CUL5: variants seen among roughly 807,000 people sequenced by gnomAD.
The protein encoded by CUL5 is cullin-5.
A neutral mutation model predicts 108.8 loss-of-function variants in CUL5; 26 were observed. The ratio of observed to expected loss-of-function variants is 0.24; its 90% CI spans 0.18 to 0.33. CUL5 has a LOEUF of 0.33. Among genes scored for constraint, CUL5 ranks in the 10% least tolerant of loss-of-function variants. The probability of loss-of-function intolerance (pLI) is 1.00; values close to 1 mark genes in which losing one functional copy is unlikely to be tolerated. For missense variants in CUL5, 524 were observed against 909.2 expected (o/e 0.58, Z 5.45); for synonymous variants, 334 against 298.0 (o/e 1.12, Z -1.25).
intron 1 of CUL5, among the ~76,000 whole-genome samples, chr11:108,010,599 A>T (rs190451693): frequency 2.0e-5 from 3 of 152,356 alleles, no homozygotes; most frequent in East Asian, 3.9e-4. Context: ...CGCCTGTATC[A>T]TAGGAACATT....
chr11:108,055,753 C>T (rs978164568), intron 7 of CUL5, among the ~76,000 whole-genome samples: 2 of 152,114 alleles, frequency 1.3e-5, no homozygotes, highest in Admixed American at 6.5e-5. Context: ...GCCTCAGCCT[C>T]CCAAGTAGCT....
intron 1 of CUL5, among the ~76,000 whole-genome samples, chr11:108,028,597 C>G (rs10450616): frequency 1 from 152,154 of 152,298 alleles, 76,005 homozygotes; most frequent in Non-Finnish European, 1. Context: ...ACAGCACTTT[C>G]GGAGGCCGAA....
intron 1 of CUL5, among the ~76,000 whole-genome samples, chr11:108,030,121 A>G (rs1862542723): frequency 6.6e-6 from 1 of 152,254 alleles, no homozygotes; most frequent in Non-Finnish European, 1.5e-5. Context: ...AAAAAGTAGA[A>G]AAAGTAATGT....
chr11:108,020,346 T>G (rs1458889115), intron 1 of CUL5, among the ~76,000 whole-genome samples: 1 of 152,124 alleles, frequency 6.6e-6, no homozygotes, highest in Admixed American at 6.6e-5. Context: ...GACTTTCCAG[T>G]GGGACAAGAT....
chr11:108,070,316 T>TATA (rs1359178965), intron 8 of CUL5, 127 bp downstream of exon 8: 3 of 584,310 alleles, frequency 5.1e-6, no homozygotes, highest in Non-Finnish European at 9.2e-6. Flanking sequence ...TAGAGTGAAC[T>TATA]ATACTTAAGG....
At chr11:108,095,762 A>G in intron 16 of CUL5, 71 bp downstream of exon 16, 1 of 1,292,160 alleles carries the variant, frequency 7.7e-7, no homozygotes, top group Non-Finnish European at 1.1e-6. Flanking sequence ...TTGGCTTGTA[A>G]TATATTAGTA....
chr11:108,050,449 C>T (rs926068742), intron 4 of CUL5, among the ~76,000 whole-genome samples: 1 of 151,988 alleles, frequency 6.6e-6, no homozygotes, highest in Non-Finnish European at 1.5e-5. Context: ...TCACTGCAAC[C>T]TCCGCCTCCT....
intron 18 of CUL5, 132 bp downstream of exon 18, chr11:108,098,661 AC>A: frequency 9.4e-6 from 5 of 533,030 alleles, no homozygotes; most frequent in Non-Finnish European, 1.4e-5. Context: ...CATAATCCCA[AC>A]ACTTTGGGAT....
At chr11:108,022,469 C>G (rs531021225) in intron 1 of CUL5, among the ~76,000 whole-genome samples, 1 of 152,128 alleles carries the variant, frequency 6.6e-6, no homozygotes, top group East Asian at 1.9e-4. Context: ...GTTACAGATA[C>G]GCTAATTGCT....
intron 11 of CUL5, among the ~76,000 whole-genome samples, chr11:108,083,885 G>T (rs554154543): frequency 1.4e-4 from 21 of 152,302 alleles, no homozygotes; most frequent in Middle Eastern, 3.4e-3. Context: ...TCTAGAACAA[G>T]CTTGTCCAAC....
At chr11:108,014,702 G>T (rs1862137189) in intron 1 of CUL5, among the ~76,000 whole-genome samples, 1 of 152,132 alleles carries the variant, frequency 6.6e-6, no homozygotes, top group Non-Finnish European at 1.5e-5. Context: ...CGAGAATTTA[G>T]TATTTCCTAA....
intron 10 of CUL5, among the ~76,000 whole-genome samples, chr11:108,077,346 TAAC>T (rs1863964486): frequency 6.6e-6 from 1 of 152,214 alleles, no homozygotes; most frequent in Non-Finnish European, 1.5e-5. Context: ...CCAGTGACTT[TAAC>T]AAGAACAGTT....
intron 2 of CUL5, among the ~76,000 whole-genome samples, chr11:108,034,563 G>T (rs1334827299): frequency 6.6e-6 from 1 of 152,156 alleles, no homozygotes; most frequent in African/African-American, 2.4e-5. Context: ...AGGTATGATT[G>T]TAAGTTCAGC....
intron 2 of CUL5, 60 bp from the exon 3 acceptor site, chr11:108,046,208 AAG>A: frequency 1.7e-6 from 2 of 1,154,972 alleles, no homozygotes; most frequent in South Asian, 2.8e-5. Context: ...AATAGAATTT[AAG>A]ATGTTTTGTT....
intron 13 of CUL5, among the ~76,000 whole-genome samples, chr11:108,092,287 A>AAC (rs1421945951): frequency 2.0e-5 from 3 of 152,242 alleles, no homozygotes; most frequent in Non-Finnish European, 4.4e-5. Context: ...GACACTTTGG[A>AAC]AAACTGTTGG....
At chr11:108,097,779 TAAA>T in intron 17 of CUL5, 25 bp downstream of exon 17, 2 of 1,257,850 alleles carry the variant, frequency 1.6e-6, no homozygotes. Context: ...TGATCTAAAA[TAAA>T]AACACCTTGT....
chr11:108,040,606 C>T (rs1177399567), intron 2 of CUL5, among the ~76,000 whole-genome samples: 5 of 66,662 alleles, frequency 7.5e-5, no homozygotes, highest in Non-Finnish European at 1.2e-4. Context: ...AGTGAGACTC[C>T]GTCTCAAAAA....
At chr11:108,072,858 A>T (rs180803006) in intron 9 of CUL5, among the ~76,000 whole-genome samples, 1 of 152,318 alleles carries the variant, frequency 6.6e-6, no homozygotes, top group African/African-American at 2.4e-5. Context: ...TTAAATTTTT[A>T]AAAATACAGA....
chr11:108,080,170 C>T (rs1019106995), intron 11 of CUL5, among the ~76,000 whole-genome samples: 4 of 149,564 alleles, frequency 2.7e-5, no homozygotes, highest in African/African-American at 9.9e-5. Context: ...GATCATAGCT[C>T]ACTGCAGCCT....
Sources: allele counts gnomAD v4.1 joint callset (sites outside exome capture counted in the v4.1 genomes callset), GRCh38; gene constraint gnomAD v4.1.1; transcripts MANE v1.5; gene names NCBI Gene and HGNC (gene_info 2026-07-23, HGNC 2026-07-21).